The following SAMD4A variants were observed in gnomAD, a reference collection of about 807,000 sequenced individuals.
SAMD4A encodes the protein sterile alpha motif domain containing 4A.
SAMD4A carries 33 observed loss-of-function variants against 81.3 expected under a neutral mutation model. That is an observed-to-expected ratio of 0.41 (90% CI 0.31 to 0.54). The LOEUF (loss-of-function observed/expected upper bound fraction) is 0.54, where lower values mean the gene tolerates loss of function less well. SAMD4A is among the 20% of genes least tolerant of loss of function. The pLI is 0.37. For synonymous variants in SAMD4A, 389 were observed against 382.1 expected (o/e 1.02, Z -0.21); for missense variants, 854 against 951.1 (o/e 0.90, Z 1.34).
chr14:54,651,497 T>C (rs577459005), intron 2 of SAMD4A, among the ~76,000 whole-genome samples: 1 of 152,336 alleles, frequency 6.6e-6, no homozygotes, highest in African/African-American at 2.4e-5. Context: ...GGTAAACTTA[T>C]ACTTTCTAAG....
At chr14:54,609,471 C>G (rs73271503) in intron 2 of SAMD4A, among the ~76,000 whole-genome samples, 3,446 of 152,270 alleles carry the variant, frequency 0.023, 124 homozygotes, top group African/African-American at 0.078. Context: ...TTATTTTAAG[C>G]CACTAAATTT....
intron 2 of SAMD4A, among the ~76,000 whole-genome samples, chr14:54,667,984 C>G (rs1233197146): frequency 6.6e-6 from 1 of 152,202 alleles, no homozygotes; most frequent in Non-Finnish European, 1.5e-5. Flanking sequence ...TGTCTTCCAG[C>G]TGTTCTCTCC....
At position 54,654,693 on chromosome 14, in the gene SAMD4A, C is replaced by T. The variant is rs368892677; in HGVS notation, c.197-47369C>T. On this transcript the variant is annotated intron_variant, in intron 2 of 12. Coordinates refer to ENST00000554335, the MANE Select transcript of SAMD4A (RefSeq NM_015589.6). ...AGGCTAGTCCTCTATTCTGTACACA[C>T]GTAGCTTCAGGAAAAACTTGTACTG... 1.5e-3 allele frequency among the ~76,000 whole-genome samples: 234 copies of T among 152,312 alleles called. 4 individuals are homozygous for T. In the South Asian group the frequency reaches 0.023, roughly 15 times the overall value.
At chr14:54,653,019 C>A (rs1412646481) in intron 2 of SAMD4A, among the ~76,000 whole-genome samples, 1 of 152,054 alleles carries the variant, frequency 6.6e-6, no homozygotes, top group Non-Finnish European at 1.5e-5. Flanking sequence ...TCACGTAGCC[C>A]TGTCTTCATT....
chr14:54,579,788 C>T (rs2033413080), intron 2 of SAMD4A, among the ~76,000 whole-genome samples: 1 of 152,186 alleles, frequency 6.6e-6, no homozygotes, highest in Non-Finnish European at 1.5e-5. Context: ...GCCCTGCACA[C>T]TGCAGAAAGG....
chr14:54,589,023 C>T lies in SAMD4A; in HGVS notation c.196+20911C>T, dbSNP rs367738033. Among the ~76,000 whole-genome samples the T allele has an allele frequency of 5.9e-5, 9 of 152,214 alleles. No individual in the cohort carries two copies. The East Asian group carries it at 1.3e-3, about 23-fold the overall frequency. ...TTTTAAGTTATTAAAATGTATACAA[C>T]GTATATATTAAGAATTATAACATTT... On this transcript the variant is annotated intron_variant, in intron 2 of 12. Transcript: ENST00000554335.
At chr14:54,729,642 A>C (rs1339640848) in intron 3 of SAMD4A, among the ~76,000 whole-genome samples, 1 of 152,232 alleles carries the variant, frequency 6.6e-6, no homozygotes, top group Non-Finnish European at 1.5e-5. Flanking sequence ...GGTAGATACA[A>C]AAAGAAACAG....
intron 2 of SAMD4A, among the ~76,000 whole-genome samples, chr14:54,613,354 G>A (rs575749746): frequency 6.6e-6 from 1 of 152,270 alleles, no homozygotes; most frequent in African/African-American, 2.4e-5. Flanking sequence ...AATGAAGCAG[G>A]TAGCAGGTAT....
Sources: gnomAD v4.1 joint callset for allele counts (sites outside exome capture counted in the v4.1 genomes callset) on GRCh38, gnomAD v4.1.1 for gene constraint, MANE v1.5 for transcripts, NCBI Gene and HGNC (gene_info 2026-07-23, HGNC 2026-07-21) for gene names.